Variants in SLAMF6 observed in about 807,000 individuals in gnomAD.
SLAMF6 encodes SLAM family member 6, also known as NK-T-B-antigen.
In SLAMF6, 21 loss-of-function variants were observed where a neutral mutation model predicts 38.3. The observed-to-expected ratio is 0.55, with a 90% CI of 0.39 to 0.79. The LOEUF (loss-of-function observed/expected upper bound fraction) is 0.79. SLAMF6 is among the 30% of genes least tolerant of loss of function. The pLI, the probability that SLAMF6 is intolerant of heterozygous loss-of-function variation, is 0.00. For missense variants in SLAMF6, 341 were observed against 385.3 expected (o/e 0.89, Z 0.96); for synonymous variants, 152 against 146.3 (o/e 1.04, Z -0.28).
chr1:160,498,676 G>T (rs1032866689), intron 1 of SLAMF6, among the ~76,000 whole-genome samples: 1 of 152,134 alleles, frequency 6.6e-6, no homozygotes, highest in African/African-American at 2.4e-5. Flanking sequence ...TGAGATTTGG[G>T]TGGGGACACA....
intron 1 of SLAMF6, among the ~76,000 whole-genome samples, chr1:160,505,842 G>A (rs915571386): frequency 5.9e-5 from 9 of 152,070 alleles, no homozygotes; most frequent in African/African-American, 2.2e-4. Context: ...AGAGATTCTG[G>A]AGCTGAAAAA....
rs1652901781 is a variant in SLAMF6, at chr1:160,485,099, G to A, written c.*1608C>T. On this transcript the variant is annotated 3_prime_UTR_variant, in exon 8 of 8. Coordinates refer to ENST00000368057, the MANE Select transcript of SLAMF6 (RefSeq NM_001184714.2). The stretch of plus-strand genomic sequence containing the variant: ...AGAGTCTCACTCTGTCACCCAGACT[G>A]GAATACATTGGCATGATTTTGGCTC... The A allele has an allele frequency of 6.6e-6, 1 of 152,028 alleles. No homozygotes were observed. The allele number at this position is 152,028 out of a possible 1,614,324, so 9.4% of individuals were successfully genotyped here. A position where few individuals can be genotyped will look rare whatever the true frequency, so the allele number is the denominator to read the frequency against.
chr1:160,505,520 G>A (rs1022229979), intron 1 of SLAMF6, among the ~76,000 whole-genome samples: 1 of 152,146 alleles, frequency 6.6e-6, no homozygotes, highest in Non-Finnish European at 1.5e-5. Flanking sequence ...TCCCACCTCA[G>A]CCTCCTGAGT....
chr1:160,490,760 C>G (rs570207818), intron 3 of SLAMF6, 75 bp from the exon 4 acceptor site: 1 of 1,551,866 alleles, frequency 6.4e-7, no homozygotes, highest in Non-Finnish European at 8.7e-7. Context: ...TCCGTGGAGC[C>G]TCTTCTAGGC....
chr1:160,521,892 C>T (rs1370345864), intron 1 of SLAMF6, among the ~76,000 whole-genome samples: 2 of 152,154 alleles, frequency 1.3e-5, no homozygotes, highest in East Asian at 3.8e-4. Context: ...TTTCTTCCTA[C>T]CCAATACACT....
At chr1:160,513,076 G>A (rs1201317396) in intron 1 of SLAMF6, among the ~76,000 whole-genome samples, 2 of 152,146 alleles carry the variant, frequency 1.3e-5, no homozygotes, top group African/African-American at 4.8e-5. Flanking sequence ...CGAGCTAAAG[G>A]AGTATGTTCT....
intron 2 of SLAMF6, among the ~76,000 whole-genome samples, chr1:160,492,399 T>A (rs1653350854): frequency 6.6e-6 from 1 of 152,190 alleles, no homozygotes; most frequent in East Asian, 1.9e-4. Context: ...TTTTGTAATT[T>A]ACTGGCTACA....
intron 5 of SLAMF6, among the ~76,000 whole-genome samples, chr1:160,489,848 C>T (rs570034388): frequency 5.4e-4 from 82 of 152,290 alleles, no homozygotes; most frequent in African/African-American, 1.9e-3. Context: ...ATGATGCAGT[C>T]AGACAGTTTG....
chr1:160,522,603 A>G lies in SLAMF6; in HGVS notation c.49+541T>C, dbSNP rs181724698. On this transcript the variant is annotated intron_variant, in intron 1 of 7. Transcript: ENST00000368057. ...GCTGGACTAGCTAGCCCTAATTTGC[A>G]CTAAAGGAGGGGAGAGATGGAAACC... Among the ~76,000 whole-genome samples, 556 of 147,284 alleles carry G rather than the reference A, an allele frequency of 3.8e-3. 4 individuals carry two copies. The highest frequency in any genetic ancestry group is 0.013 in the African/African-American group (538 of 40,224).
intron 2 of SLAMF6, among the ~76,000 whole-genome samples, chr1:160,495,612 G>C (rs1394458581): frequency 6.6e-6 from 1 of 152,184 alleles, no homozygotes; most frequent in Non-Finnish European, 1.5e-5. Flanking sequence ...TGAAAAGGGA[G>C]GTGTCGTGGC....
intron 1 of SLAMF6, among the ~76,000 whole-genome samples, chr1:160,509,071 T>C (rs1191603929): frequency 2.0e-5 from 3 of 152,202 alleles, no homozygotes; most frequent in Non-Finnish European, 4.4e-5. Context: ...GTAAATTAGT[T>C]CAACCATTGT....
chr1:160,504,105 G>A (rs1654057272), intron 1 of SLAMF6, among the ~76,000 whole-genome samples: 1 of 151,970 alleles, frequency 6.6e-6, no homozygotes, highest in Non-Finnish European at 1.5e-5. Flanking sequence ...GTTATCAGAG[G>A]TGGAGAGAGG....
intron 2 of SLAMF6, among the ~76,000 whole-genome samples, chr1:160,494,843 C>T (rs1458100183): frequency 6.6e-6 from 1 of 152,126 alleles, no homozygotes; most frequent in African/African-American, 2.4e-5. Context: ...CTTCTGGCCT[C>T]CAGAACTGTG....
At chr1:160,508,517 A>G (rs1462748822) in intron 1 of SLAMF6, among the ~76,000 whole-genome samples, 1 of 152,244 alleles carries the variant, frequency 6.6e-6, no homozygotes, top group Non-Finnish European at 1.5e-5. Flanking sequence ...TTCAAGATGG[A>G]TTAAAGACTT....
At chr1:160,495,478 GT>G (rs1434034707) in intron 2 of SLAMF6, among the ~76,000 whole-genome samples, 1 of 152,164 alleles carries the variant, frequency 6.6e-6, no homozygotes, top group African/African-American at 2.4e-5. Context: ...GGAAAATATT[GT>G]TAAAAATTAA....
In SLAMF6 at chr1:160,489,073, G is replaced by T; in HGVS notation, c.879+15C>A. On this transcript the variant is annotated intron_variant, in intron 6 of 7. Transcript: ENST00000368057. ...AAAACTGACAACAATGGCATATAAA[G>T]CTGAAAAGACTCACCCTGTTTGAAT... 6.2e-7 allele frequency: 1 copy of T among 1,602,984 alleles called. No homozygotes were observed. The highest frequency in any genetic ancestry group is 8.5e-7 in the Non-Finnish European group (1 of 1,170,116).
intron 1 of SLAMF6, among the ~76,000 whole-genome samples, chr1:160,517,203 A>G (rs542751363): frequency 6.6e-6 from 1 of 152,342 alleles, no homozygotes; most frequent in African/African-American, 2.4e-5. Flanking sequence ...CGAGCAAAGG[A>G]CATTAACAGA....
intron 1 of SLAMF6, among the ~76,000 whole-genome samples, chr1:160,510,150 A>G (rs558125167): frequency 6.6e-6 from 1 of 152,268 alleles, no homozygotes; most frequent in East Asian, 1.9e-4. Flanking sequence ...CTTCACTGGT[A>G]AATTCTACTA....
At chr1:160,509,723 C>T (rs1654378652) in intron 1 of SLAMF6, among the ~76,000 whole-genome samples, 1 of 151,706 alleles carries the variant, frequency 6.6e-6, no homozygotes, top group African/African-American at 2.4e-5. Context: ...AAACCCAAAG[C>T]TATTAGAATG....
Sources: allele counts gnomAD v4.1 joint callset (sites outside exome capture counted in the v4.1 genomes callset), GRCh38; gene constraint gnomAD v4.1.1; transcripts MANE v1.5; gene names NCBI Gene and HGNC (gene_info 2026-07-23, HGNC 2026-07-21).